Variants in FLT1 observed in about 807,000 individuals in gnomAD.
FLT1 encodes the protein fms related receptor tyrosine kinase 1.
A neutral mutation model predicts 156.3 loss-of-function variants in FLT1; 49 were observed. The ratio of observed to expected loss-of-function variants is 0.31; its 90% CI spans 0.25 to 0.40. FLT1 has a LOEUF of 0.40. Ranked by LOEUF, FLT1 falls within the 10% of genes least tolerant of loss-of-function variation. The pLI, the probability that FLT1 is intolerant of heterozygous loss-of-function variation, is 1.00. For missense variants in FLT1, 1,322 were observed against 1,637.2 expected (o/e 0.81, Z 3.32); for synonymous variants, 594 against 583.8 (o/e 1.02, Z -0.25).
Position 28,493,594 on chromosome 13 carries a change from T to A in FLT1, c.64+1186A>T, listed in dbSNP as rs1881579929. Reference sequence around the variant, plus strand: ...CGGGAATCATTGCAATGACTTATTTTATATTACTATATTTTATTTCATATT... The same window carrying A: ...CGGGAATCATTGCAATGACTTATTTAATATTACTATATTTTATTTCATATT... On this transcript the variant is annotated intron_variant, in intron 1 of 29. Coordinates refer to ENST00000282397, the MANE Select transcript of FLT1 (RefSeq NM_002019.4). Among the ~76,000 whole-genome samples the A allele has an allele frequency of 2.6e-5, 4 of 152,252 alleles. No individual in the cohort carries two copies. In the South Asian group the frequency reaches 8.3e-4, roughly 31 times the overall value.
chr13:28,434,234 G>T lies in FLT1; in HGVS notation c.514-14C>A. 1 of 1,613,450 alleles carries T rather than the reference G, an allele frequency of 6.2e-7. No homozygotes were observed. The highest frequency in any genetic ancestry group is 8.5e-7 in the Non-Finnish European group (1 of 1,179,686). On this transcript the variant is annotated splice_polypyrimidine_tract_variant and intron_variant, in intron 4 of 29. Coordinates refer to ENST00000282397, the MANE Select transcript of FLT1 (RefSeq NM_002019.4). ...GTCAAGTGGAAACTGAAAAGGAAGA[G>T]GCATGCATTAACAAGGTCCTATTAG... is the stretch of plus-strand genomic sequence containing the variant.
At chr13:28,403,354 T>C (rs1875579928) in intron 11 of FLT1, among the ~76,000 whole-genome samples, 1 of 152,206 alleles carries the variant, frequency 6.6e-6, no homozygotes, top group African/African-American at 2.4e-5. Context: ...TAAACCTTCA[T>C]GGAGAAAATC....
chr13:28,312,974 ATT>A (rs1436151585), intron 25 of FLT1, among the ~76,000 whole-genome samples: 27 of 150,656 alleles, frequency 1.8e-4, no homozygotes, highest in Non-Finnish European at 2.7e-4. Flanking sequence ...TTTTATTTTT[ATT>A]TTTATTTTTA....
Position 28,322,759 on chromosome 13 carries a change from G to C in FLT1, c.2953+31C>G. 1 of 1,606,356 alleles carries C rather than the reference G, an allele frequency of 6.2e-7. No individual in the cohort carries two copies. The highest frequency in any genetic ancestry group is 8.5e-7 in the Non-Finnish European group (1 of 1,174,098). ...CATAGTATGTTGTAAAAATATCTCA[G>C]CGCGTAGGACAGGAAGGAATTAATA... On this transcript the variant is annotated intron_variant, in intron 21 of 29. Transcript: ENST00000282397. The surrounding 1 kb of genome is among the most constrained non-coding windows in gnomAD (Gnocchi z 4.3).
chr13:28,479,397 C>T (rs1396152972), intron 1 of FLT1, among the ~76,000 whole-genome samples: 1 of 152,138 alleles, frequency 6.6e-6, no homozygotes, highest in African/African-American at 2.4e-5. Context: ...ATGGGGTGGA[C>T]ATGTTGATTA....
At chr13:28,440,175 A>C (rs1174936718) in intron 3 of FLT1, among the ~76,000 whole-genome samples, 1 of 152,164 alleles carries the variant, frequency 6.6e-6, no homozygotes, top group African/African-American at 2.4e-5. Context: ...CACGGTCCAC[A>C]GAACCAGCAG....
intron 3 of FLT1, among the ~76,000 whole-genome samples, chr13:28,459,281 C>G (rs192300077): frequency 6.6e-6 from 1 of 152,302 alleles, no homozygotes; most frequent in Admixed American, 6.5e-5. Flanking sequence ...AGAGGAAAAA[C>G]AGGATCCATC....
chr13:28,389,664 G>T, intron 13 of FLT1, 132 bp downstream of exon 13: 1 of 1,531,104 alleles, frequency 6.5e-7, no homozygotes, highest in South Asian at 1.3e-5. Context: ...AATAAATCAA[G>T]ATGATATGAG....
intron 14 of FLT1, among the ~76,000 whole-genome samples, chr13:28,359,307 T>C (rs1873022999): frequency 6.6e-6 from 1 of 152,108 alleles, no homozygotes; most frequent in Non-Finnish European, 1.5e-5. Context: ...CCTTAATAAG[T>C]GGTGTTGGGA....
intron 20 of FLT1, 151 bp downstream of exon 20, chr13:28,327,311 G>C (rs1045179434): frequency 2.6e-5 from 17 of 647,462 alleles, no homozygotes; most frequent in Non-Finnish European, 4.2e-5. Context: ...ATTATCAGGG[G>C]AAAAAACATG....
Position 28,434,189 on chromosome 13 carries a change from T to C in FLT1, c.545A>G (p.Lys182Arg), listed in dbSNP as rs1877888906. 6.2e-7 allele frequency: 1 copy of C among 1,614,024 alleles called. No individual in the cohort carries two copies. Among genetic ancestry groups the C allele is most frequent in the African/African-American group, 1.3e-5 (1 of 74,914 alleles). ...CTTTCTACTGTCCCAGATTATGCGT[T>C]TTCCATCAGGGATCAAAGTGTCAAG... ...FPLDTLIPDGKRIIWDSRKGF... is the reference protein window; with the variant it reads ...FPLDTLIPDGRRIIWDSRKGF... The change falls in exon 5 of 30, where the codon AAA (lysine) becomes AGA (arginine). Residue 182 changes from lysine (K) to arginine (R), a missense_variant. This residue lies in a region of FLT1 where 991 missense variants were observed against 1,254.8 expected (regional missense o/e 0.79). Coordinates refer to ENST00000282397, the MANE Select transcript of FLT1 (RefSeq NM_002019.4).
intron 20 of FLT1, among the ~76,000 whole-genome samples, chr13:28,326,959 A>G (rs74043713): frequency 0.019 from 2,920 of 152,338 alleles, 98 homozygotes; most frequent in African/African-American, 0.066. Flanking sequence ...GTCAGGAAGT[A>G]GGGGAAAGGG....
At chr13:28,483,170 G>A (rs770508017) in intron 1 of FLT1, among the ~76,000 whole-genome samples, 8 of 152,190 alleles carry the variant, frequency 5.3e-5, no homozygotes, top group Non-Finnish European at 1.2e-4. Flanking sequence ...TGGAAAAAGA[G>A]AGTTAAACAA....
chr13:28,484,240 A>C (rs184651542), intron 1 of FLT1, among the ~76,000 whole-genome samples: 2 of 152,336 alleles, frequency 1.3e-5, no homozygotes, highest in African/African-American at 4.8e-5. Flanking sequence ...TTTTAGTTTC[A>C]TTCTGGAAAA....
intron 1 of FLT1, among the ~76,000 whole-genome samples, chr13:28,473,782 GAAAGAAAGA>G (rs1880357619): frequency 1.5e-5 from 1 of 67,164 alleles, no homozygotes; most frequent in African/African-American, 5.7e-5. Flanking sequence ...AGGAAGGAAA[GAAAGAAAGA>G]AAGAAAGAAA....
rs1397448337 is a variant in FLT1 at position 28,399,147 on chromosome 13, G to A, written c.1552-2079C>T. The A allele has an allele frequency of 6.2e-6, 9 of 1,454,748 alleles. No individual in the cohort carries two copies. The Admixed American group carries it at 7.9e-5, about 13-fold the overall frequency. 90.1% of individuals were successfully genotyped at this position (1,454,748 alleles called of 1,614,324 possible). A position where few individuals can be genotyped will look rare whatever the true frequency, so the allele number is the denominator to read the frequency against. Reference sequence around the variant, plus strand: ...GAAGACAGGAGAGATCGTCAAATACGACTCTGACTCCCTTACATTGTCTCA... The same window carrying A: ...GAAGACAGGAGAGATCGTCAAATACAACTCTGACTCCCTTACATTGTCTCA... On this transcript the variant is annotated intron_variant, in intron 11 of 29. Coordinates refer to ENST00000282397, the MANE Select transcript of FLT1 (RefSeq NM_002019.4).
chr13:28,329,816 A>G lies in FLT1; in HGVS notation c.2594-88T>C, dbSNP rs1871852150. The G allele has an allele frequency of 8.4e-6, 9 of 1,071,394 alleles. No homozygotes were observed. The Admixed American group carries it at 9.8e-5, about 12-fold the overall frequency. The allele number at this position is 1,071,394 out of a possible 1,614,324, so 66.4% of individuals were successfully genotyped here. ...GCATTCTTGCCCTCCTTGTTTGTCA[A>G]TGCTCAGCCGGTTGCTTCACTAACT... On this transcript the variant is annotated intron_variant, in intron 18 of 29. Coordinates refer to ENST00000282397, the MANE Select transcript of FLT1 (RefSeq NM_002019.4).
chr13:28,368,579 T>TATG (rs112404448), intron 14 of FLT1: 88 of 1,494,476 alleles, frequency 5.9e-5, no homozygotes, highest in South Asian at 1.7e-4. Context: ...TGATGATAGC[T>TATG]ATGATGATGA....
intron 16 of FLT1, among the ~76,000 whole-genome samples, chr13:28,341,715 T>G (rs1872340217): frequency 6.6e-6 from 1 of 152,194 alleles, no homozygotes; most frequent in Admixed American, 6.5e-5. Context: ...GATGTCTTGT[T>G]CCTCTTTGCC....
Sources: gnomAD v4.1 joint callset for allele counts (sites outside exome capture counted in the v4.1 genomes callset) on GRCh38, gnomAD v4.1.1 for gene constraint, gnomAD v4.1.1 regional missense constraint, Gnocchi (gnomAD v3.1) non-coding constraint, MANE v1.5 for transcripts, NCBI Gene and HGNC (gene_info 2026-07-23, HGNC 2026-07-21) for gene names.